Variants in UBE2D4 observed in about 807,000 individuals in gnomAD.
UBE2D4 encodes the protein ubiquitin-conjugating enzyme E2 D4.
In UBE2D4, 17 loss-of-function variants were observed where a neutral mutation model predicts 23.0. That is an observed-to-expected ratio of 0.74 (90% CI 0.51 to 1.11). The LOEUF is 1.11. Among genes scored for constraint, UBE2D4 ranks in the 50% least tolerant of loss-of-function variants. The pLI is 0.00. For synonymous variants in UBE2D4, 61 were observed against 69.4 expected (o/e 0.88, Z 0.60); for missense variants, 139 against 181.8 (o/e 0.76, Z 1.35).
At chr7:43,945,240 A>G (rs2095983284) in intron 4 of UBE2D4, among the ~76,000 whole-genome samples, 1 of 152,156 alleles carries the variant, frequency 6.6e-6, no homozygotes. Flanking sequence ...TGATCCGCCC[A>G]CCACGGCCTC....
Position 43,938,440 on chromosome 7 carries a change from G to C in UBE2D4, c.34G>C (p.Asp12His). ...ALKRIQKELT[D>H]LQRDPPAQCS... is the part of the protein sequence containing the mutation. ...CTCTCTCATGTTCTAGGAATTAACC[G>C]ACTTGCAGAGGGATCCTCCTGCCCA... Residue 12 changes from aspartate to histidine, a missense_variant, in exon 2 of 7, where the codon GAC becomes CAC. By Grantham distance (81) the Asp-to-His change is moderately conservative (BLOSUM62 -1). Transcript: ENST00000222402. 6.2e-7 allele frequency: 1 copy of C among 1,614,042 alleles called. No individual in the cohort carries two copies. The highest frequency in any genetic ancestry group is 8.5e-7 in the Non-Finnish European group (1 of 1,179,964).
At chr7:43,945,776 CTT>C (rs11339851) in intron 4 of UBE2D4, among the ~76,000 whole-genome samples, 148 of 84,214 alleles carry the variant, frequency 1.8e-3, no homozygotes, top group African/African-American at 3.5e-3. Context: ...GGCAAAATCC[CTT>C]TTTTTTTTTT....
intron 1 of UBE2D4, among the ~76,000 whole-genome samples, chr7:43,933,224 A>G (rs2095951202): frequency 6.6e-6 from 1 of 151,036 alleles, no homozygotes; most frequent in African/African-American, 2.4e-5. Context: ...ATTTCTTTTC[A>G]GTGCCTTTGA....
intron 3 of UBE2D4, 39 bp from the exon 4 acceptor site, chr7:43,942,915 G>C (rs1186840801): frequency 1.2e-6 from 2 of 1,614,120 alleles, no homozygotes; most frequent in South Asian, 2.2e-5. Context: ...TTTGGGCTTA[G>C]CACATGCACT....
chr7:43,926,617 C>T, intron 1 of UBE2D4, 61 bp downstream of exon 1: 2 of 1,501,542 alleles, frequency 1.3e-6, no homozygotes, highest in Non-Finnish European at 8.9e-7. Flanking sequence ...GTGGGCGGGG[C>T]GCCGCTGCCG....
rs2095980344 is a variant in UBE2D4 at position 43,944,251 on chromosome 7, T to C, written c.198+1220T>C. ...TGTGTTATTTTTAGTAGAGACAGGGTTTCACAATGTTGGCCAAGCTGGTCT... is the reference window on the plus strand; with the variant it reads ...TGTGTTATTTTTAGTAGAGACAGGGCTTCACAATGTTGGCCAAGCTGGTCT... On this transcript the variant is annotated intron_variant, in intron 4 of 6. Transcript: ENST00000222402. This position sits in a 1 kb window ranked among gnomAD's most constrained non-coding sequence, Gnocchi z 4.0. 6.6e-6 allele frequency: 1 copy of C among 152,172 alleles called. No individual in the cohort carries two copies. The highest frequency in any genetic ancestry group is 6.5e-5 in the Admixed American group (1 of 15,272). The allele number at this position is 152,172 out of a possible 1,614,324, so 9.4% of individuals were successfully genotyped here.
chr7:43,949,165 C>T, intron 5 of UBE2D4: 2 of 237,252 alleles, frequency 8.4e-6, no homozygotes, highest in Non-Finnish European at 1.6e-5. Flanking sequence ...GTGGAGAAAT[C>T]CTCCCTTCCC....
At chr7:43,942,188 C>G (rs2095974563) in intron 2 of UBE2D4, 1 of 153,792 alleles carries the variant, frequency 6.5e-6, no homozygotes, top group Admixed American at 6.4e-5. Context: ...TGGTGGCACA[C>G]ACCTGTTGTC....
intron 1 of UBE2D4, among the ~76,000 whole-genome samples, chr7:43,927,103 G>A (rs1345507677): frequency 2.0e-5 from 3 of 152,080 alleles, no homozygotes; most frequent in Non-Finnish European, 2.9e-5. Context: ...AGGGTTTAAT[G>A]CATTCACTAG....
rs1195919816 is a variant in UBE2D4 at position 43,938,295 on chromosome 7, C to T, written c.25-136C>T. ...GTAGCAGGGAGTAGAGTCCTATGAC[C>T]CACCATGTCTCTAACCCCCTCCTGA... is the stretch of plus-strand genomic sequence containing the variant. On this transcript the variant is annotated intron_variant, in intron 1 of 6. Transcript: ENST00000222402. 1.0e-5 allele frequency: 8 copies of T among 781,404 alleles called. No individual in the cohort carries two copies. The East Asian group carries it at 2.0e-4, about 19-fold the overall frequency. The allele number at this position is 781,404 out of a possible 1,614,324, so 48.4% of individuals were successfully genotyped here.
chr7:43,941,393 G>A (rs1475156780), intron 2 of UBE2D4: 1 of 152,152 alleles, frequency 6.6e-6, no homozygotes, highest in Non-Finnish European at 1.5e-5. Context: ...TCTGGGAATG[G>A]GTAGAGCAGT....
intron 4 of UBE2D4, among the ~76,000 whole-genome samples, chr7:43,948,350 C>G (rs1859620): frequency 0.13 from 19,111 of 152,234 alleles, 1,293 homozygotes; most frequent in Admixed American, 0.19. Flanking sequence ...TTTCCACCAC[C>G]CTTGTTATTC....
At chr7:43,948,470 C>G (rs1205609833) in intron 4 of UBE2D4, 162 bp from the exon 5 acceptor site, 1 of 581,318 alleles carries the variant, frequency 1.7e-6, no homozygotes, top group East Asian at 2.8e-5. Flanking sequence ...ACTCCCATAT[C>G]CCATTAGAGT....
intron 1 of UBE2D4, among the ~76,000 whole-genome samples, chr7:43,931,792 TG>T (rs2095946260): frequency 6.6e-6 from 1 of 151,708 alleles, no homozygotes; most frequent in South Asian, 2.1e-4. Flanking sequence ...TCCGTCTCTC[TG>T]GTTCAACTGA....
intron 5 of UBE2D4, among the ~76,000 whole-genome samples, chr7:43,949,778 G>A (rs11770228): frequency 0.13 from 19,281 of 152,242 alleles, 1,308 homozygotes; most frequent in Admixed American, 0.19. Context: ...GAGCCACATT[G>A]AGTGCACATC....
chr7:43,946,856 C>T (rs947339637), intron 4 of UBE2D4, among the ~76,000 whole-genome samples: 1 of 151,824 alleles, frequency 6.6e-6, no homozygotes, highest in African/African-American at 2.4e-5. Flanking sequence ...GGCAGAGGGT[C>T]CACGGCCTGA....
chr7:43,929,161 A>C (rs1046890539), intron 1 of UBE2D4, among the ~76,000 whole-genome samples: 1 of 152,174 alleles, frequency 6.6e-6, no homozygotes, highest in Non-Finnish European at 1.5e-5. Context: ...GAGGTGGCTC[A>C]TGCCTGTAAT....
intron 3 of UBE2D4, 37 bp downstream of exon 3, chr7:43,942,894 G>T (rs748199969): frequency 3.1e-6 from 5 of 1,614,042 alleles, no homozygotes; most frequent in Non-Finnish European, 3.4e-6. Context: ...CTCCAGTTTT[G>T]CTTCTTGCAC....
chr7:43,927,047 T>G (rs1486243711), intron 1 of UBE2D4, among the ~76,000 whole-genome samples: 4 of 151,406 alleles, frequency 2.6e-5, no homozygotes, highest in East Asian at 3.9e-4. Flanking sequence ...TTAGGAGCAG[T>G]GCTGAAGTAA....
Sources: gnomAD v4.1 joint callset for allele counts (sites outside exome capture counted in the v4.1 genomes callset) on GRCh38, gnomAD v4.1.1 for gene constraint, Gnocchi (gnomAD v3.1) non-coding constraint, MANE v1.5 for transcripts, NCBI Gene and HGNC (gene_info 2026-07-23, HGNC 2026-07-21) for gene names.